The following SERINC3 variants were observed in gnomAD, a reference collection of about 807,000 sequenced individuals.
SERINC3 encodes serine incorporator 3.
A neutral mutation model predicts 52.1 loss-of-function variants in SERINC3; 22 were observed. The observed-to-expected ratio is 0.42, with a 90% CI of 0.30 to 0.60. SERINC3 has a LOEUF of 0.60. Among genes scored for constraint, SERINC3 ranks in the 20% least tolerant of loss-of-function variants. The probability of loss-of-function intolerance (pLI) is 0.16; values close to 1 mark genes in which losing one functional copy is unlikely to be tolerated. For synonymous variants in SERINC3, 226 were observed against 212.7 expected, an observed-to-expected ratio of 1.06 and a Z score of -0.54; for missense variants, 564 against 584.6, an observed-to-expected ratio of 0.96 and a Z score of 0.36.
rs760924799 is a variant in SERINC3, at chr20:44,501,147, A to G, written c.1209T>C (p.Tyr403=). ...AVDNEKEGVQ[Y]SYSLFHLMLC... Reference sequence around the variant, plus strand: ...GCATGAGGTGGAATAAGGAGTAGCTATACTGCACTCCCTCTTTCTCGTTGT... The same window carrying G: ...GCATGAGGTGGAATAAGGAGTAGCTGTACTGCACTCCCTCTTTCTCGTTGT... Residue 403 remains tyrosine (Y), a synonymous_variant, in exon 9 of 10, where the codon TAT becomes TAC. Coordinates refer to ENST00000342374, the MANE Select transcript of SERINC3 (RefSeq NM_006811.4). 5 of 1,614,096 alleles carry G rather than the reference A, an allele frequency of 3.1e-6. No individual in the cohort carries two copies. Among genetic ancestry groups the G allele is most frequent in the Admixed American group, 1.7e-5 (1 of 60,018 alleles).
rs1261214312 is a variant in SERINC3, at chr20:44,499,573, A to T, written c.*723T>A. 1 of 152,408 alleles carries T rather than the reference A, an allele frequency of 6.6e-6. No individual in the cohort carries two copies. The highest frequency in any genetic ancestry group is 1.5e-5 in the Non-Finnish European group (1 of 68,048). The allele number at this position is 152,408 out of a possible 1,614,324, so 9.4% of individuals were successfully genotyped here. A position where few individuals can be genotyped will look rare whatever the true frequency, so the allele number is the denominator to read the frequency against. On this transcript the variant is annotated 3_prime_UTR_variant, in exon 10 of 10. Transcript: ENST00000342374. The stretch of plus-strand genomic sequence containing the variant: ...TTTTACATACTCATAACAAGATAGT[A>T]ACACAGACTAAAGCTGCAGTGTTTT...
Position 44,519,012 on chromosome 20 carries a change from T to G in SERINC3, c.39+2901A>C, listed in dbSNP as rs185257158. On this transcript the variant is annotated intron_variant, in intron 1 of 9. Transcript: ENST00000342374. ...AAGCCTCAAGTTCTAACCGCCCCCT[T>G]TGAGTTACTATTACTGAGCACTCCT... 5.0e-3 allele frequency among the ~76,000 whole-genome samples: 755 copies of G among 151,710 alleles called. 3 individuals are homozygous for G. Among genetic ancestry groups the G allele is most frequent in the Non-Finnish European group, 7.9e-3 (538 of 67,944 alleles).
chr20:44,502,142 T>C (rs548471720), intron 8 of SERINC3, among the ~76,000 whole-genome samples: 36 of 152,202 alleles, frequency 2.4e-4, no homozygotes, highest in Non-Finnish European at 2.1e-4. Flanking sequence ...ATAGAAGAGA[T>C]AAATGGTATC....
chr20:44,504,744 A>G, intron 7 of SERINC3, 57 bp downstream of exon 7: 1 of 1,411,466 alleles, frequency 7.1e-7, no homozygotes, highest in Admixed American at 1.8e-5. Context: ...CAACTATGTA[A>G]AGGCTGATTT....
chr20:44,521,491 T>A (rs149411835), intron 1 of SERINC3, among the ~76,000 whole-genome samples: 56 of 152,196 alleles, frequency 3.7e-4, no homozygotes, highest in African/African-American at 1.3e-3. Flanking sequence ...TGCCACACAC[T>A]CTGTAGTTTT....
intron 7 of SERINC3, among the ~76,000 whole-genome samples, chr20:44,504,332 A>G (rs2064298439): frequency 6.6e-6 from 1 of 152,244 alleles, no homozygotes. Flanking sequence ...ATAGTTACTT[A>G]AGAACAAAAT....
chr20:44,504,475 T>C (rs904567002), intron 7 of SERINC3, among the ~76,000 whole-genome samples: 19 of 152,216 alleles, frequency 1.2e-4, no homozygotes, highest in African/African-American at 4.6e-4. Flanking sequence ...CTACAGCCTG[T>C]GACATCAAAC....
chr20:44,513,125 C>CT, intron 2 of SERINC3, 131 bp from the exon 3 acceptor site: 1 of 524,846 alleles, frequency 1.9e-6, no homozygotes, highest in Non-Finnish European at 3.2e-6. Context: ...GAATTTTTCT[C>CT]TTTGTCTTCC....
intron 1 of SERINC3, among the ~76,000 whole-genome samples, chr20:44,520,193 T>C (rs949665202): frequency 3.9e-5 from 6 of 152,180 alleles, no homozygotes; most frequent in African/African-American, 1.4e-4. Flanking sequence ...CTGGCCAACA[T>C]GGCGAAATCC....
chr20:44,511,084 T>C (rs941056401), intron 4 of SERINC3, among the ~76,000 whole-genome samples: 10 of 152,046 alleles, frequency 6.6e-5, no homozygotes, highest in African/African-American at 2.2e-4. Flanking sequence ...TGGCTAATTT[T>C]TGTATTTTTA....
In SERINC3 at chr20:44,500,576, G is replaced by A. The variant is rs1487988821; in HGVS notation, c.1284-142C>T. 1.1e-5 allele frequency: 9 copies of A among 819,552 alleles called. No individual in the cohort carries two copies. In the East Asian group the frequency reaches 1.3e-4, roughly 12 times the overall value. The allele number at this position is 819,552 out of a possible 1,614,324, so 50.8% of individuals were successfully genotyped here. On this transcript the variant is annotated intron_variant, in intron 9 of 9. Coordinates refer to ENST00000342374, the MANE Select transcript of SERINC3 (RefSeq NM_006811.4). ...CCCCCAGTAGGGTTGAAGGGGACCAGAGGAAGCTGCTATTTTTAGTTCTTA... is the reference window on the plus strand; with the variant it reads ...CCCCCAGTAGGGTTGAAGGGGACCAAAGGAAGCTGCTATTTTTAGTTCTTA...
rs778615108 is a variant in SERINC3 at position 44,498,809 on chromosome 20, CTT to C, written c.*1485_*1486del. 7.9e-5 allele frequency: 12 copies of C among 152,296 alleles called. 1 individual carries two copies. The highest frequency in any genetic ancestry group is 1.9e-4 in the East Asian group (1 of 5,178). 9.4% of individuals were successfully genotyped at this position (152,296 alleles called of 1,614,324 possible). On this transcript the variant is annotated 3_prime_UTR_variant, in exon 10 of 10. Coordinates refer to ENST00000342374, the MANE Select transcript of SERINC3 (RefSeq NM_006811.4). The stretch of plus-strand genomic sequence containing the variant: ...CCACCCTCAACATAAGGTCCAAACT[CTT>C]TACTGAGGTTGATAAAGCCCTTTAA...
intron 1 of SERINC3, among the ~76,000 whole-genome samples, chr20:44,516,644 C>T (rs913549748): frequency 6.6e-6 from 1 of 152,090 alleles, no homozygotes; most frequent in Non-Finnish European, 1.5e-5. Flanking sequence ...TGCCCGCCTC[C>T]GCCTCCCAAA....
intron 4 of SERINC3, among the ~76,000 whole-genome samples, chr20:44,510,915 GT>G (rs2064343292): frequency 6.6e-6 from 1 of 151,690 alleles, no homozygotes; most frequent in African/African-American, 2.4e-5. Context: ...AGGTAGTTTT[GT>G]TTTGTTTTGT....
At position 44,514,087 on chromosome 20, in the gene SERINC3, C is replaced by T. The variant is rs1041144059; in HGVS notation, c.40-47G>A. 7 of 1,556,128 alleles carry T rather than the reference C, an allele frequency of 4.5e-6. No homozygotes were observed. In the African/African-American group the frequency reaches 9.6e-5, roughly 21 times the overall value. ...CACCTGAGACCGCCTTCAGTATACT[C>T]CTTTATGACACAGATGTCGCAGAAG... On this transcript the variant is annotated intron_variant, in intron 1 of 9. Transcript: ENST00000342374.
At position 44,512,807 on chromosome 20, in the gene SERINC3, T is replaced by G; in HGVS notation, c.389A>C (p.His130Pro). Reference protein sequence around the residue: ...KTSKDLRAAVHNGFWFFKIAA... With the variant: ...KTSKDLRAAVPNGFWFFKIAA... ...AATCATAAATCTAACATACCCATTG[T>G]GTACTGCCGCTCGGAGATCTTTACT... Residue 130 changes from histidine (H) to proline (P), a missense_variant, in exon 3 of 10, where the codon CAC becomes CCC. His to Pro is a moderately conservative substitution (Grantham distance 77, BLOSUM62 -2). Transcript: ENST00000342374. 1 of 1,571,252 alleles carries G rather than the reference T, an allele frequency of 6.4e-7. No individual in the cohort carries two copies. The highest frequency in any genetic ancestry group is 8.6e-7 in the Non-Finnish European group (1 of 1,167,174).
chr20:44,506,391 G>A (rs866216489), intron 6 of SERINC3, among the ~76,000 whole-genome samples: 37 of 151,102 alleles, frequency 2.4e-4, no homozygotes, highest in Middle Eastern at 3.5e-3. Flanking sequence ...CAAGAGTTCA[G>A]CCTGGCCAAG....
intron 6 of SERINC3, 71 bp downstream of exon 6, chr20:44,506,752 TAAGA>T: frequency 9.9e-7 from 1 of 1,014,280 alleles, no homozygotes; most frequent in Non-Finnish European, 1.4e-6. Flanking sequence ...CATAAATTCA[TAAGA>T]AAGGGTACCT....
intron 1 of SERINC3, among the ~76,000 whole-genome samples, chr20:44,518,928 C>T (rs1039342957): frequency 1.3e-5 from 2 of 150,774 alleles, no homozygotes. Context: ...CCCACCATTG[C>T]ACTCCAGCCT....
Sources: gnomAD v4.1 joint callset for allele counts (sites outside exome capture counted in the v4.1 genomes callset) on GRCh38, gnomAD v4.1.1 for gene constraint, MANE v1.5 for transcripts, NCBI Gene and HGNC (gene_info 2026-07-23, HGNC 2026-07-21) for gene names.